LMO7: variants seen among roughly 807,000 people sequenced by gnomAD.
LMO7 encodes LIM domain 7.
LMO7 carries 120 observed loss-of-function variants against 206.5 expected under a neutral mutation model. The ratio of observed to expected loss-of-function variants is 0.58; its 90% CI spans 0.50 to 0.68. The LOEUF (loss-of-function observed/expected upper bound fraction) is 0.68, where lower values mean the gene tolerates loss of function less well. Among genes scored for constraint, LMO7 ranks in the 30% least tolerant of loss-of-function variants. The pLI is 0.00. For synonymous variants in LMO7, 706 were observed against 681.5 expected (o/e 1.04, Z -0.56); for missense variants, 1,959 against 1,957.9 (o/e 1.00, Z -0.01).
chr13:75,688,802 T>A (rs2041224324), intron 1 of LMO7: 1 of 152,216 alleles, frequency 6.6e-6, no homozygotes, highest in Non-Finnish European at 1.5e-5. Flanking sequence ...CTCATTTTTT[T>A]TTCTTTTTTC....
chr13:75,720,516 G>GT (rs1474077516), intron 2 of LMO7, among the ~76,000 whole-genome samples: 1 of 152,142 alleles, frequency 6.6e-6, no homozygotes. Context: ...TGAGAAGGGT[G>GT]TAAGGTCTGT....
intron 1 of LMO7, among the ~76,000 whole-genome samples, chr13:75,706,055 T>C (rs2042627275): frequency 6.6e-6 from 1 of 152,218 alleles, no homozygotes; most frequent in South Asian, 2.1e-4. Flanking sequence ...TGCTAAGTGT[T>C]TCATGCATAT....
At chr13:75,770,674 A>G (rs1406903032) in intron 4 of LMO7, among the ~76,000 whole-genome samples, 1 of 152,158 alleles carries the variant, frequency 6.6e-6, no homozygotes, top group Non-Finnish European at 1.5e-5. Context: ...TCTCTGTATT[A>G]TAGCCTCCAG....
chr13:75,799,307 A>T (rs552055955), intron 6 of LMO7, among the ~76,000 whole-genome samples: 1 of 152,346 alleles, frequency 6.6e-6, no homozygotes, highest in African/African-American at 2.4e-5. Context: ...AAAAGTTGAA[A>T]GAAGAGTACA....
chr13:75,760,950 T>C lies in LMO7; in HGVS notation c.229T>C (p.Leu77=), dbSNP rs757614492. Residue 77 remains leucine, a synonymous_variant, in exon 4 of 31, where the codon TTG becomes CTG. Coordinates refer to ENST00000377534, the MANE Select transcript of LMO7 (RefSeq NM_001306080.2). The part of the protein sequence containing the change: ...IAGLDNINVF[L]KACEQIGLKE... The stretch of plus-strand genomic sequence containing the variant: ...TTCACAGGATAATATAAACGTTTTC[T>C]TGAAAGCTTGTGAACAGATTGGATT... 1.9e-5 allele frequency: 31 copies of C among 1,613,420 alleles called. No individual in the cohort carries two copies. In the East Asian group the frequency reaches 3.6e-4, roughly 19 times the overall value.
intron 4 of LMO7, among the ~76,000 whole-genome samples, chr13:75,791,383 C>T (rs953474310): frequency 1.3e-5 from 2 of 152,094 alleles, no homozygotes; most frequent in Non-Finnish European, 2.9e-5. Flanking sequence ...TAGGTTAATG[C>T]AATTTAATTG....
chr13:75,856,640 G>C (rs1435772842), intron 30 of LMO7, 32 bp downstream of exon 30: 2 of 1,388,504 alleles, frequency 1.4e-6, no homozygotes, highest in Non-Finnish European at 2.0e-6. Flanking sequence ...AAAATTTCTT[G>C]CCTTTTAAGG....
In LMO7 at chr13:75,857,922, TG is replaced by T; in HGVS notation, c.4877del (p.Gly1626AspfsTer30). 6.3e-7 allele frequency: 1 copy of T among 1,598,458 alleles called. No homozygotes were observed. The highest frequency in any genetic ancestry group is 1.1e-5 in the South Asian group (1 of 87,812). ...TTTCTTTTCTCCTTGCCCGATCAGC[TG>T]GACGGCCAACCGCCATGTGATGTAA... is the stretch of plus-strand genomic sequence containing the variant. ...CNDCYLRFKSGRPTAM is the reference protein window; with the variant it reads ...CNDCYLRFKSXRPTAM On this transcript the variant is annotated frameshift_variant and splice_region_variant, in exon 31 of 31. Coordinates refer to ENST00000377534, the MANE Select transcript of LMO7 (RefSeq NM_001306080.2). LOFTEE classifies it high-confidence loss of function.
chr13:75,810,456 A>G (rs1350047365), intron 11 of LMO7, among the ~76,000 whole-genome samples: 1 of 152,198 alleles, frequency 6.6e-6, no homozygotes, highest in Non-Finnish European at 1.5e-5. Flanking sequence ...AACAAATTGC[A>G]AGTACTTGTT....
intron 2 of LMO7, among the ~76,000 whole-genome samples, chr13:75,721,965 C>T (rs1300911555): frequency 1.3e-5 from 2 of 152,100 alleles, no homozygotes; most frequent in Non-Finnish European, 2.9e-5. Context: ...GAAAGGACAC[C>T]CTATTCAACA....
At chr13:75,804,168 C>T (rs1365403549) in intron 7 of LMO7, 121 bp from the exon 8 acceptor site, 3 of 991,876 alleles carry the variant, frequency 3.0e-6, no homozygotes, top group East Asian at 2.4e-5. Flanking sequence ...TAAAAATATT[C>T]CCTGCAGTTA....
intron 4 of LMO7, among the ~76,000 whole-genome samples, chr13:75,764,407 T>C (rs2048588856): frequency 6.6e-6 from 1 of 152,026 alleles, no homozygotes; most frequent in Non-Finnish European, 1.5e-5. Context: ...AAAAGGGCTG[T>C]AGGAGATCAA....
intron 1 of LMO7, among the ~76,000 whole-genome samples, chr13:75,681,309 T>C (rs1226502232): frequency 6.6e-6 from 1 of 152,202 alleles, no homozygotes; most frequent in Non-Finnish European, 1.5e-5. Flanking sequence ...TACATTTAAG[T>C]CTTTAATCCA....
intron 2 of LMO7, among the ~76,000 whole-genome samples, chr13:75,726,204 A>G (rs2044458641): frequency 6.6e-6 from 1 of 152,184 alleles, no homozygotes; most frequent in East Asian, 1.9e-4. Flanking sequence ...ATAGAAAAGC[A>G]TTTTTATAGT....
chr13:75,782,610 C>G (rs2051694244), intron 4 of LMO7, among the ~76,000 whole-genome samples: 1 of 152,200 alleles, frequency 6.6e-6, no homozygotes, highest in Non-Finnish European at 1.5e-5. Flanking sequence ...CTACATGTCT[C>G]TAGATGTCAT....
chr13:75,819,620 C>T lies in LMO7; in HGVS notation c.2207+85C>T, dbSNP rs187830618. 3.1e-4 allele frequency: 390 copies of T among 1,264,580 alleles called. 2 individuals carry two copies. In the African/African-American group the frequency reaches 5.3e-3, roughly 17 times the overall value. 78.3% of individuals were successfully genotyped at this position (1,264,580 alleles called of 1,614,324 possible). On this transcript the variant is annotated intron_variant, in intron 13 of 30. Coordinates refer to ENST00000377534, the MANE Select transcript of LMO7 (RefSeq NM_001306080.2). The stretch of plus-strand genomic sequence containing the variant: ...GATATTTTATGTAAGTGTAGTGTGA[C>T]ATAGGTGTCCACCAATATTCAACTT...
intron 1 of LMO7, among the ~76,000 whole-genome samples, chr13:75,663,383 G>GT (rs1348398809): frequency 4.8e-5 from 7 of 145,306 alleles, no homozygotes; most frequent in Non-Finnish European, 7.5e-5. Context: ...AAAGGTGAAT[G>GT]TAAGAAGTAT....
At chr13:75,669,638 AT>A (rs1181169886) in intron 1 of LMO7, among the ~76,000 whole-genome samples, 1 of 152,204 alleles carries the variant, frequency 6.6e-6, no homozygotes, top group Non-Finnish European at 1.5e-5. Flanking sequence ...TTGATATACT[AT>A]ACCCTTTGTG....
chr13:75,808,716 TA>T (rs1156262678), intron 10 of LMO7, among the ~76,000 whole-genome samples: 1 of 152,236 alleles, frequency 6.6e-6, no homozygotes, highest in Non-Finnish European at 1.5e-5. Flanking sequence ...ACGTTGATGT[TA>T]AAATGCATGA....
Sources: gnomAD v4.1 joint callset for allele counts (sites outside exome capture counted in the v4.1 genomes callset) on GRCh38, gnomAD v4.1.1 for gene constraint, MANE v1.5 for transcripts, NCBI Gene and HGNC (gene_info 2026-07-23, HGNC 2026-07-21) for gene names.